The following TNR variants were observed in gnomAD, a reference collection of about 807,000 sequenced individuals.
TNR encodes tenascin-R.
In TNR, 45 loss-of-function variants were observed where a neutral mutation model predicts 150.4. The observed-to-expected ratio is 0.30, with a 90% CI of 0.24 to 0.38. TNR has a LOEUF of 0.38. Ranked by LOEUF, TNR falls within the 10% of genes least tolerant of loss-of-function variation. The probability of loss-of-function intolerance (pLI) is 1.00; values close to 1 mark genes in which losing one functional copy is unlikely to be tolerated. For synonymous variants in TNR, 687 were observed against 678.4 expected (o/e 1.01, Z -0.20); for missense variants, 1,544 against 1,759.1 (o/e 0.88, Z 2.19).
At chr1:175,661,858 G>C (rs117486774) in intron 1 of TNR, among the ~76,000 whole-genome samples, 237 of 125,460 alleles carry the variant, frequency 1.9e-3, no homozygotes, top group African/African-American at 6.7e-3. Flanking sequence ...TCTCTTTGCC[G>C]CACCCCTCTT....
At chr1:175,627,624 G>A (rs1209150702) in intron 1 of TNR, among the ~76,000 whole-genome samples, 1 of 152,114 alleles carries the variant, frequency 6.6e-6, no homozygotes, top group East Asian at 1.9e-4. Context: ...TTTGCACCAG[G>A]CTTAGAACTT....
rs1031218535 is a variant in TNR, at chr1:175,435,899, C to T, written c.-63-29122G>A. ...TTTTATTTCTCCTTCACTTATGAAG[C>T]TTAGTTTGGCTGGATATGAAATTCT... is the stretch of plus-strand genomic sequence containing the variant. On this transcript the variant is annotated intron_variant, in intron 2 of 22. Transcript: ENST00000367674. Among the ~76,000 whole-genome samples, 6 of 152,286 alleles carry T rather than the reference C, an allele frequency of 3.9e-5. No homozygotes were observed. The South Asian group carries it at 1.0e-3, about 26-fold the overall frequency.
At chr1:175,457,597 A>T (rs1458298461) in intron 2 of TNR, among the ~76,000 whole-genome samples, 1 of 152,234 alleles carries the variant, frequency 6.6e-6, no homozygotes, top group Non-Finnish European at 1.5e-5. Context: ...CACCAGATCT[A>T]TAAATGAATG....
intron 1 of TNR, among the ~76,000 whole-genome samples, chr1:175,601,128 G>A (rs1025505378): frequency 1.3e-5 from 2 of 152,196 alleles, no homozygotes; most frequent in African/African-American, 4.8e-5. Flanking sequence ...GTACAGAAAT[G>A]CCTTTATCTT....
intron 2 of TNR, among the ~76,000 whole-genome samples, chr1:175,417,828 T>G (rs929972255): frequency 1.3e-5 from 2 of 152,150 alleles, no homozygotes; most frequent in Non-Finnish European, 2.9e-5. Context: ...TATATTGGAG[T>G]TGATCCTTCC....
Position 175,337,697 on chromosome 1 carries a change from A to C in TNR, c.3383-18T>G. 1 of 1,613,310 alleles carries C rather than the reference A, an allele frequency of 6.2e-7. No individual in the cohort carries two copies. Among genetic ancestry groups the C allele is most frequent in the Middle Eastern group, 1.7e-4 (1 of 6,026 alleles). On this transcript the variant is annotated intron_variant, in intron 18 of 22. Transcript: ENST00000367674. ...CCGGCCTCCTGCAAGGAAAATAGAC[A>C]ATGTCCAGAAAGGATTCTTTCTCTC... is the stretch of plus-strand genomic sequence containing the variant.
At chr1:175,611,579 C>T (rs180735536) in intron 1 of TNR, among the ~76,000 whole-genome samples, 30 of 152,266 alleles carry the variant, frequency 2.0e-4, no homozygotes, top group African/African-American at 7.2e-4. Flanking sequence ...AGCAATCCAC[C>T]CTCCTTGGCT....
intron 2 of TNR, among the ~76,000 whole-genome samples, chr1:175,442,425 C>A (rs113042666): frequency 1.3e-3 from 197 of 152,004 alleles, no homozygotes; most frequent in Non-Finnish European, 2.4e-3. Context: ...GGTGGAAGAT[C>A]TGGAGAGAGA....
At chr1:175,636,886 T>C (rs897908147) in intron 1 of TNR, among the ~76,000 whole-genome samples, 6 of 152,136 alleles carry the variant, frequency 3.9e-5, no homozygotes, top group Non-Finnish European at 7.4e-5. Context: ...CAATAATGAG[T>C]TCCCTTTGCG....
At chr1:175,695,756 C>T (rs1155910) in intron 1 of TNR, among the ~76,000 whole-genome samples, 18,280 of 152,046 alleles carry the variant, frequency 0.12, 1,194 homozygotes, top group East Asian at 0.25. Flanking sequence ...TTTATTAAAC[C>T]ATGTTCCTTT....
intron 2 of TNR, among the ~76,000 whole-genome samples, chr1:175,504,428 C>T (rs182923166): frequency 6.6e-6 from 1 of 152,242 alleles, no homozygotes; most frequent in Non-Finnish European, 1.5e-5. Context: ...TCACTAGAAT[C>T]GACACTTTGT....
At chr1:175,733,696 C>A (rs1667700154) in intron 1 of TNR, among the ~76,000 whole-genome samples, 1 of 152,094 alleles carries the variant, frequency 6.6e-6, no homozygotes, top group Non-Finnish European at 1.5e-5. Context: ...CTACTCGGAA[C>A]AGATCAGGGT....
At chr1:175,393,588 T>C (rs1169018115) in intron 6 of TNR, among the ~76,000 whole-genome samples, 192 bp downstream of exon 6, 1 of 152,220 alleles carries the variant, frequency 6.6e-6, no homozygotes. Flanking sequence ...GGGCTACTCT[T>C]GTCAGCAGGT....
intron 2 of TNR, among the ~76,000 whole-genome samples, chr1:175,409,403 G>T (rs1351255629): frequency 6.6e-6 from 1 of 152,132 alleles, no homozygotes; most frequent in Non-Finnish European, 1.5e-5. Flanking sequence ...AATTAAGAGA[G>T]AAAAATGTTA....
At chr1:175,568,639 C>T (rs1425721455) in intron 1 of TNR, among the ~76,000 whole-genome samples, 1 of 152,178 alleles carries the variant, frequency 6.6e-6, no homozygotes, top group African/African-American at 2.4e-5. Context: ...CTCGGCCTCC[C>T]ATCCAATCCT....
At chr1:175,512,692 G>A (rs1659241039) in intron 2 of TNR, among the ~76,000 whole-genome samples, 1 of 152,206 alleles carries the variant, frequency 6.6e-6, no homozygotes, top group Non-Finnish European at 1.5e-5. Context: ...TCCATCACAT[G>A]CATGAAAACA....
intron 2 of TNR, among the ~76,000 whole-genome samples, chr1:175,456,078 A>G (rs1316188873): frequency 6.6e-6 from 1 of 152,154 alleles, no homozygotes; most frequent in Non-Finnish European, 1.5e-5. Flanking sequence ...ATCTGCCCTG[A>G]GCTCACTAGC....
At chr1:175,541,644 G>A (rs192344183) in intron 1 of TNR, among the ~76,000 whole-genome samples, 61 of 152,232 alleles carry the variant, frequency 4.0e-4, no homozygotes, top group Admixed American at 3.3e-3. Flanking sequence ...AAAAAAGACA[G>A]TTAAAGCATA....
At chr1:175,688,247 C>T (rs939132606) in intron 1 of TNR, among the ~76,000 whole-genome samples, 1 of 152,200 alleles carries the variant, frequency 6.6e-6, no homozygotes, top group Non-Finnish European at 1.5e-5. Flanking sequence ...GGGGTTGTGG[C>T]AGACAAGCCT....
Sources: allele counts gnomAD v4.1 joint callset (sites outside exome capture counted in the v4.1 genomes callset), GRCh38; gene constraint gnomAD v4.1.1; transcripts MANE v1.5; gene names NCBI Gene and HGNC (gene_info 2026-07-23, HGNC 2026-07-21).